Variants in SLC14A2 observed in about 807,000 individuals in gnomAD.
SLC14A2 encodes solute carrier family 14 member 2.
SLC14A2 carries 91 observed loss-of-function variants against 104.6 expected under a neutral mutation model. That is an observed-to-expected ratio of 0.87 (90% CI 0.73 to 1.04). The LOEUF (loss-of-function observed/expected upper bound fraction) is 1.04, where lower values mean the gene tolerates loss of function less well. SLC14A2 is among the 50% of genes least tolerant of loss of function. The probability of loss-of-function intolerance (pLI) is 0.00; values close to 1 mark genes in which losing one functional copy is unlikely to be tolerated. For synonymous variants in SLC14A2, 476 were observed against 466.4 expected (o/e 1.02, Z -0.27); for missense variants, 1,189 against 1,156.0 (o/e 1.03, Z -0.41).
chr18:45,680,961 T>C (rs2046302659), intron 19 of SLC14A2, among the ~76,000 whole-genome samples: 1 of 152,172 alleles, frequency 6.6e-6, no homozygotes, highest in African/African-American at 2.4e-5. Context: ...AGGCTGTCTT[T>C]GTTGTTCCCC....
intron 18 of SLC14A2, among the ~76,000 whole-genome samples, chr18:45,676,390 G>T (rs1007179122): frequency 6.6e-6 from 1 of 152,196 alleles, no homozygotes; most frequent in African/African-American, 2.4e-5. Context: ...TAGGATACCA[G>T]CTGGGAAAGG....
chr18:45,369,270 C>A (rs572834849), intron 1 of SLC14A2, among the ~76,000 whole-genome samples: 37 of 152,258 alleles, frequency 2.4e-4, no homozygotes, highest in Middle Eastern at 3.4e-3. Context: ...TTTCTTTTCC[C>A]ATATCTTTCT....
intron 1 of SLC14A2, among the ~76,000 whole-genome samples, chr18:45,321,667 C>A: frequency 6.6e-6 from 1 of 152,202 alleles, no homozygotes; most frequent in Admixed American, 6.5e-5. Flanking sequence ...AGAGCTGACA[C>A]AGCAGAGTCC....
At chr18:45,369,591 CATT>C (rs1405614066) in intron 1 of SLC14A2, among the ~76,000 whole-genome samples, 9 of 152,160 alleles carry the variant, frequency 5.9e-5, no homozygotes, top group African/African-American at 2.2e-4. Flanking sequence ...ATGCTAGCAT[CATT>C]ATTCTATAGT....
At position 45,683,286 on chromosome 18, in the gene SLC14A2, T is replaced by G. The variant is rs2046340747; in HGVS notation, c.*767T>G. 1 of 152,106 alleles carries G rather than the reference T, an allele frequency of 6.6e-6. No homozygotes were observed. Among genetic ancestry groups the G allele is most frequent in the Non-Finnish European group, 1.5e-5 (1 of 68,032 alleles). 9.4% of individuals were successfully genotyped at this position (152,106 alleles called of 1,614,324 possible). A position where few individuals can be genotyped will look rare whatever the true frequency, so the allele number is the denominator to read the frequency against. ...CCAGGTTGAGCAAGTCTTTCCCCAC[T>G]CTCCACCTCCATTTCTTAATCAGTT... On this transcript the variant is annotated 3_prime_UTR_variant, in exon 20 of 20. Coordinates refer to ENST00000255226, the MANE Select transcript of SLC14A2 (RefSeq NM_007163.4).
intron 2 of SLC14A2, among the ~76,000 whole-genome samples, chr18:45,580,074 G>A (rs1350592591): frequency 6.6e-6 from 1 of 152,120 alleles, no homozygotes; most frequent in African/African-American, 2.4e-5. Flanking sequence ...CAGATTATAA[G>A]AGCCACAATA....
At chr18:45,314,619 A>G (rs897104521) in intron 1 of SLC14A2, among the ~76,000 whole-genome samples, 4 of 152,144 alleles carry the variant, frequency 2.6e-5, no homozygotes, top group Admixed American at 1.3e-4. Context: ...ATCTCCATGA[A>G]ATAAGGGGTA....
chr18:45,548,801 G>T lies in SLC14A2; in HGVS notation c.-35+65479G>T, dbSNP rs2044011314. 2.6e-5 allele frequency among the ~76,000 whole-genome samples: 4 copies of T among 152,196 alleles called. No homozygotes were observed. In the South Asian group the frequency reaches 8.3e-4, roughly 32 times the overall value. Reference sequence around the variant, plus strand: ...CTGTATACAAGCTGAAGTTTACACAGGTGATGTCACTTAACCTGTAGCTGG... The same window carrying T: ...CTGTATACAAGCTGAAGTTTACACATGTGATGTCACTTAACCTGTAGCTGG... On this transcript the variant is annotated intron_variant, in intron 2 of 20. Transcript: ENST00000586448.
intron 1 of SLC14A2, among the ~76,000 whole-genome samples, chr18:45,320,619 G>T (rs1261446331): frequency 6.6e-6 from 1 of 152,198 alleles, no homozygotes; most frequent in Non-Finnish European, 1.5e-5. Context: ...TGGCAGGAGT[G>T]GTGAGAGTGT....
chr18:45,240,641 G>T (rs868601313), intron 1 of SLC14A2, among the ~76,000 whole-genome samples: 2,582 of 140,740 alleles, frequency 0.018, 50 homozygotes, highest in African/African-American at 0.066. Context: ...TTTTTTTTTT[G>T]TTTTTTTTGT....
Position 45,622,118 on chromosome 18 carries a change from T to G in SLC14A2, c.-34-2513T>G, listed in dbSNP as rs147974076. Among the ~76,000 whole-genome samples, 154 of 152,258 alleles carry G rather than the reference T, an allele frequency of 1.0e-3. 2 individuals carry two copies. Among genetic ancestry groups the G allele is most frequent in the African/African-American group, 3.4e-3 (141 of 41,538 alleles). On this transcript the variant is annotated intron_variant, in intron 1 of 19. Coordinates refer to ENST00000255226, the MANE Select transcript of SLC14A2 (RefSeq NM_007163.4). ...ATGGGCTTTAAGCAGGGATCCAACA[T>G]GAGATTAATATGGCAACTCTTCCCT...
At chr18:45,215,315 C>A (rs1446911491) in intron 1 of SLC14A2, among the ~76,000 whole-genome samples, 1 of 152,136 alleles carries the variant, frequency 6.6e-6, no homozygotes, top group Non-Finnish European at 1.5e-5. Context: ...GAAAAGTCAG[C>A]CCTGTTAAGT....
intron 2 of SLC14A2, among the ~76,000 whole-genome samples, chr18:45,510,250 G>A (rs2043346591): frequency 6.6e-6 from 1 of 152,054 alleles, no homozygotes; most frequent in Non-Finnish European, 1.5e-5. Flanking sequence ...GTTTTACAGT[G>A]GTCATTACAA....
chr18:45,358,762 G>A (rs2085580645), intron 1 of SLC14A2, among the ~76,000 whole-genome samples: 2 of 151,766 alleles, frequency 1.3e-5, no homozygotes, highest in Admixed American at 1.3e-4. Context: ...TATTTTTTTT[G>A]CAAAGATGGT....
At chr18:45,639,691 T>A in intron 6 of SLC14A2, 55 bp from the exon 7 acceptor site, 1 of 1,586,118 alleles carries the variant, frequency 6.3e-7, no homozygotes, top group African/African-American at 1.3e-5. Flanking sequence ...GCCCTGAGTC[T>A]GGTTTTTGCA....
chr18:45,290,740 G>A lies in SLC14A2; in HGVS notation c.-125+77549G>A, dbSNP rs141718920. On this transcript the variant is annotated intron_variant, in intron 1 of 20. Transcript: ENST00000586448. ...ATGTTGTCATTGATATTTTCGATAT[G>A]TTTGGTTAAACAAAATATTAATTTC... Among the ~76,000 whole-genome samples the A allele has an allele frequency of 1.1e-3, 169 of 152,254 alleles. 2 individuals carry two copies. The East Asian group carries it at 0.015, about 13-fold the overall frequency.
intron 2 of SLC14A2, among the ~76,000 whole-genome samples, chr18:45,530,856 C>T (rs534297568): frequency 2.0e-5 from 3 of 152,050 alleles, no homozygotes; most frequent in South Asian, 2.1e-4. Flanking sequence ...CCACTCCCCC[C>T]ACCCCACAAC....
intron 2 of SLC14A2, among the ~76,000 whole-genome samples, chr18:45,584,883 G>A (rs1425849141): frequency 2.0e-5 from 3 of 152,240 alleles, no homozygotes; most frequent in African/African-American, 4.8e-5. Flanking sequence ...GGAATCTTGA[G>A]ATGAAACGCA....
the SLC14A2 span, among the ~76,000 whole-genome samples, chr18:45,193,320 CAT>C: frequency 2.0e-5 from 3 of 152,154 alleles, no homozygotes; most frequent in Non-Finnish European, 4.4e-5. Context: ...AAGCTAGGGA[CAT>C]AAAGTTTTTC....
Sources: allele counts gnomAD v4.1 joint callset (sites outside exome capture counted in the v4.1 genomes callset), GRCh38; gene constraint gnomAD v4.1.1; transcripts MANE v1.5; gene names NCBI Gene and HGNC (gene_info 2026-07-23, HGNC 2026-07-21).